RANBP2: variants seen among roughly 807,000 people sequenced by gnomAD.
The protein encoded by RANBP2 is RAN binding protein 2.
A neutral mutation model predicts 303.6 loss-of-function variants in RANBP2; 57 were observed. That is an observed-to-expected ratio of 0.19 (90% CI 0.15 to 0.23). RANBP2 has a LOEUF of 0.23. RANBP2 is among the 10% of genes least tolerant of loss of function. The probability of loss-of-function intolerance (pLI) is 1.00; values close to 1 mark genes in which losing one functional copy is unlikely to be tolerated. For missense variants in RANBP2, 3,138 were observed against 3,780.8 expected, an observed-to-expected ratio of 0.83 and a Z score of 4.46; for synonymous variants, 1,167 against 1,301.5, an observed-to-expected ratio of 0.90 and a Z score of 2.23.
At chr2:109,536,269 C>T in the RANBP2 span, among the ~76,000 whole-genome samples, 5 of 152,102 alleles carry the variant, frequency 3.3e-5, no homozygotes, top group Admixed American at 1.3e-4. Flanking sequence ...AAAGCAGCCA[C>T]GAGGGAGGAT....
chr2:108,896,836 A>G, the RANBP2 span: 1 of 1,475,232 alleles, frequency 6.8e-7, no homozygotes. Context: ...GTCTTTTGGC[A>G]CCACTCACAG....
the RANBP2 span, among the ~76,000 whole-genome samples, chr2:108,972,344 G>A: frequency 1.3e-5 from 2 of 152,248 alleles, no homozygotes; most frequent in African/African-American, 4.8e-5. Flanking sequence ...AGACAATGAT[G>A]ACCAAATCAA....
the RANBP2 span, among the ~76,000 whole-genome samples, chr2:109,458,112 T>C: frequency 1.3e-5 from 2 of 152,188 alleles, no homozygotes; most frequent in Non-Finnish European, 2.9e-5. Flanking sequence ...CTTCATACCA[T>C]CATCTCCCTC....
the RANBP2 span, among the ~76,000 whole-genome samples, chr2:109,764,295 C>G: frequency 4.8e-5 from 7 of 147,300 alleles, no homozygotes; most frequent in Admixed American, 4.2e-4. Flanking sequence ...AGCAGATATG[C>G]AGAGGCGCAA....
the RANBP2 span, among the ~76,000 whole-genome samples, chr2:109,257,739 A>G: frequency 2.0e-5 from 3 of 152,174 alleles, no homozygotes; most frequent in Non-Finnish European, 4.4e-5. Context: ...TCAGTGTCCA[A>G]AAAAACCAAG....
the RANBP2 span, chr2:109,733,244 T>A: frequency 3.0e-6 from 1 of 329,330 alleles, no homozygotes; most frequent in African/African-American, 2.1e-5. Context: ...CGAATGGAAT[T>A]TTACCATGGA....
the RANBP2 span, among the ~76,000 whole-genome samples, chr2:109,522,608 T>A: frequency 6.6e-6 from 1 of 150,460 alleles, no homozygotes; most frequent in African/African-American, 2.4e-5. Context: ...CCAGCCTTTT[T>A]TTTTCCAGGC....
At chr2:109,587,603 G>A in the RANBP2 span, among the ~76,000 whole-genome samples, 1 of 152,064 alleles carries the variant, frequency 6.6e-6, no homozygotes, top group East Asian at 1.9e-4. Context: ...ACAGCAAACT[G>A]CTAAAAAACA....
At chr2:108,876,120 T>C in the RANBP2 span, 6 of 1,604,382 alleles carry the variant, frequency 3.7e-6, no homozygotes, top group Non-Finnish European at 5.1e-6. Context: ...CTTTTTACGA[T>C]TCATCTGATG....
At chr2:109,560,122 G>A in the RANBP2 span, among the ~76,000 whole-genome samples, 1 of 151,878 alleles carries the variant, frequency 6.6e-6, no homozygotes, top group Non-Finnish European at 1.5e-5. Context: ...GGGTTTCACC[G>A]TGTTAGCCAG....
chr2:109,345,370 G>T, the RANBP2 span, among the ~76,000 whole-genome samples: 3 of 152,172 alleles, frequency 2.0e-5, no homozygotes, highest in African/African-American at 7.2e-5. Flanking sequence ...CGAGCCGGCC[G>T]CAGAAGGGAG....
chr2:108,749,350 T>C (rs1276987896), intron 9 of RANBP2, among the ~76,000 whole-genome samples: 2 of 152,124 alleles, frequency 1.3e-5, no homozygotes, highest in East Asian at 3.9e-4. Context: ...CATGCTGGAG[T>C]GCAGTGGTGC....
chr2:109,565,913 T>A, the RANBP2 span: 6 of 1,417,322 alleles, frequency 4.2e-6, no homozygotes, highest in African/African-American at 1.4e-5. Flanking sequence ...ACTGACTAGA[T>A]AAAATAAATT....
the RANBP2 span, among the ~76,000 whole-genome samples, chr2:109,437,827 T>C: frequency 6.6e-6 from 1 of 152,166 alleles, no homozygotes; most frequent in Non-Finnish European, 1.5e-5. Context: ...GGTGGCTTAG[T>C]GTTGAGCTAA....
chr2:109,319,429 G>A, the RANBP2 span, among the ~76,000 whole-genome samples: 2 of 152,296 alleles, frequency 1.3e-5, no homozygotes, highest in East Asian at 1.9e-4. Flanking sequence ...TCAGCCTGCT[G>A]GGCTGAAAGC....
chr2:109,396,314 T>C, the RANBP2 span, among the ~76,000 whole-genome samples: 2 of 152,178 alleles, frequency 1.3e-5, no homozygotes, highest in Non-Finnish European at 2.9e-5. Flanking sequence ...GAGGAAACAT[T>C]TCAAAGGAAA....
chr2:109,657,549 A>G, the RANBP2 span, among the ~76,000 whole-genome samples: 1 of 148,916 alleles, frequency 6.7e-6, no homozygotes, highest in African/African-American at 2.4e-5. Context: ...AGAAAATTAT[A>G]AAAGTGTAAT....
At chr2:108,980,398 G>T in the RANBP2 span, among the ~76,000 whole-genome samples, 1 of 151,960 alleles carries the variant, frequency 6.6e-6, no homozygotes, top group Non-Finnish European at 1.5e-5. Context: ...ACGCCCTGCC[G>T]CTCACCTCAG....
At chr2:109,080,020 C>A in the RANBP2 span, among the ~76,000 whole-genome samples, 1 of 152,182 alleles carries the variant, frequency 6.6e-6, no homozygotes, top group South Asian at 2.1e-4. Flanking sequence ...CTATGGAATA[C>A]CCGGAATAGG....
Sources: allele counts gnomAD v4.1 joint callset (sites outside exome capture counted in the v4.1 genomes callset), GRCh38; gene constraint gnomAD v4.1.1; transcripts MANE v1.5; gene names NCBI Gene and HGNC (gene_info 2026-07-23, HGNC 2026-07-21).